The following ZMAT4 variants were observed in gnomAD, a reference collection of about 807,000 sequenced individuals.
ZMAT4 encodes zinc finger matrin-type 4, also known as zinc finger matrin-type protein 4.
ZMAT4 carries 17 observed loss-of-function variants against 28.7 expected under a neutral mutation model. The observed-to-expected ratio is 0.59, with a 90% CI of 0.41 to 0.89. The LOEUF (loss-of-function observed/expected upper bound fraction) is 0.89, where lower values mean the gene tolerates loss of function less well. Among genes scored for constraint, ZMAT4 ranks in the 40% least tolerant of loss-of-function variants. ZMAT4 has a pLI of 0.00. For synonymous variants in ZMAT4, 117 were observed against 109.2 expected (o/e 1.07, Z -0.44); for missense variants, 240 against 283.8 (o/e 0.85, Z 1.11).
chr8:40,702,555 C>T (rs1323923001), intron 3 of ZMAT4, among the ~76,000 whole-genome samples: 2 of 152,174 alleles, frequency 1.3e-5, no homozygotes, highest in Admixed American at 6.5e-5. Flanking sequence ...GAAAACCTCA[C>T]TGACTGGCTA....
chr8:40,781,783 A>G (rs978673694), intron 2 of ZMAT4, among the ~76,000 whole-genome samples: 4 of 149,258 alleles, frequency 2.7e-5, no homozygotes, highest in African/African-American at 9.8e-5. Context: ...AAAAAAAAAA[A>G]AAAAAAAAGA....
chr8:40,563,860 G>A (rs79381361), intron 6 of ZMAT4, among the ~76,000 whole-genome samples: 2 of 152,104 alleles, frequency 1.3e-5, no homozygotes, highest in East Asian at 1.9e-4. Context: ...GGGTGATGCT[G>A]GTAGGCTGTG....
intron 5 of ZMAT4, among the ~76,000 whole-genome samples, chr8:40,601,589 A>G (rs1267148022): frequency 1.3e-4 from 1 of 7,780 alleles, no homozygotes; most frequent in African/African-American, 3.1e-4. Context: ...AAAGAAAGAA[A>G]GAAAGAAAGA....
chr8:40,615,984 T>G (rs1257648771), intron 5 of ZMAT4, among the ~76,000 whole-genome samples: 1 of 152,062 alleles, frequency 6.6e-6, no homozygotes, highest in Non-Finnish European at 1.5e-5. Flanking sequence ...TGCAATCTAC[T>G]CATCTGAAAA....
chr8:40,874,265 CCA>C (rs1817963355), intron 1 of ZMAT4, among the ~76,000 whole-genome samples: 1 of 152,318 alleles, frequency 6.6e-6, no homozygotes, highest in African/African-American at 2.4e-5. Flanking sequence ...CCCACACTGG[CCA>C]CACCCGTCAC....
intron 4 of ZMAT4, among the ~76,000 whole-genome samples, chr8:40,676,866 G>A (rs1808933199): frequency 6.6e-6 from 1 of 152,100 alleles, no homozygotes; most frequent in Non-Finnish European, 1.5e-5. Flanking sequence ...CAGCCACCCA[G>A]TATCATTCTG....
At chr8:40,767,429 T>C (rs987659848) in intron 3 of ZMAT4, among the ~76,000 whole-genome samples, 3 of 152,070 alleles carry the variant, frequency 2.0e-5, no homozygotes, top group South Asian at 2.1e-4. Flanking sequence ...TGCAATGTCA[T>C]CAAAAACTCC....
chr8:40,690,729 T>A (rs1291861186), intron 4 of ZMAT4, among the ~76,000 whole-genome samples: 1 of 152,212 alleles, frequency 6.6e-6, no homozygotes, highest in African/African-American at 2.4e-5. Context: ...TCTTTACTTA[T>A]TCAACAGAGA....
At chr8:40,599,766 G>C (rs1805234026) in intron 5 of ZMAT4, among the ~76,000 whole-genome samples, 2 of 152,228 alleles carry the variant, frequency 1.3e-5, no homozygotes, top group Admixed American at 1.3e-4. Flanking sequence ...CACGAGGGAG[G>C]GGTCTGCCTG....
At chr8:40,562,327 A>C (rs1803773695) in intron 6 of ZMAT4, among the ~76,000 whole-genome samples, 1 of 152,140 alleles carries the variant, frequency 6.6e-6, no homozygotes, top group South Asian at 2.1e-4. Context: ...CAGAAATCCC[A>C]TCATCAATGA....
intron 3 of ZMAT4, among the ~76,000 whole-genome samples, chr8:40,731,064 C>T (rs754343331): frequency 2.0e-5 from 3 of 152,102 alleles, no homozygotes; most frequent in Non-Finnish European, 2.9e-5. Context: ...CTTCAAATAT[C>T]AAGGATCTGC....
Position 40,875,062 on chromosome 8 carries a change from G to C in ZMAT4, c.-5+22621C>G, listed in dbSNP as rs573648888. 2.6e-5 allele frequency among the ~76,000 whole-genome samples: 4 copies of C among 152,316 alleles called. No homozygotes were observed. In the South Asian group the frequency reaches 6.2e-4, roughly 24 times the overall value. ...TTTGTTGGTACCTCACCCAGGAACTGTCCAATATAACCCCTGCAACATCTG... is the reference window on the plus strand; with the variant it reads ...TTTGTTGGTACCTCACCCAGGAACTCTCCAATATAACCCCTGCAACATCTG... On this transcript the variant is annotated intron_variant, in intron 1 of 6. Coordinates refer to ENST00000297737, the MANE Select transcript of ZMAT4 (RefSeq NM_024645.3).
chr8:40,622,838 G>A (rs190536673), intron 5 of ZMAT4, among the ~76,000 whole-genome samples: 226 of 152,220 alleles, frequency 1.5e-3, no homozygotes, highest in African/African-American at 5.3e-3. Flanking sequence ...ATTCATGAGG[G>A]ATCCACCCCC....
intron 4 of ZMAT4, among the ~76,000 whole-genome samples, chr8:40,695,530 T>G (rs1284942454): frequency 6.6e-6 from 1 of 152,234 alleles, no homozygotes; most frequent in Non-Finnish European, 1.5e-5. Context: ...TCCAGCAACC[T>G]GGTTTCTGCA....
rs28636682 is a variant in ZMAT4 at position 40,730,798 on chromosome 8, C to G, written c.193-33397G>C. Among the ~76,000 whole-genome samples, 713 of 152,232 alleles carry G rather than the reference C, an allele frequency of 4.7e-3. 3 individuals are homozygous for G. Among genetic ancestry groups the G allele is most frequent in the African/African-American group, 0.016 (680 of 41,542 alleles). On this transcript the variant is annotated intron_variant, in intron 3 of 6. Transcript: ENST00000297737. ...TAGGAAATTCCTGGAATCTGTTTCC[C>G]CATCAAGAAAGCAGTCACACTTATG...
At chr8:40,782,376 C>A (rs1449254110) in intron 2 of ZMAT4, among the ~76,000 whole-genome samples, 1 of 151,882 alleles carries the variant, frequency 6.6e-6, no homozygotes, top group Non-Finnish European at 1.5e-5. Flanking sequence ...TAGAGCAAGA[C>A]TCCGTCTCGA....
chr8:40,650,128 A>C (rs1042494552), intron 5 of ZMAT4, among the ~76,000 whole-genome samples: 4 of 152,222 alleles, frequency 2.6e-5, no homozygotes, highest in Non-Finnish European at 5.9e-5. Context: ...AAAGTTAATG[A>C]ATCCAGGAGC....
intron 3 of ZMAT4, among the ~76,000 whole-genome samples, chr8:40,761,425 C>T (rs1812932123): frequency 6.6e-6 from 1 of 152,092 alleles, no homozygotes. Flanking sequence ...GCAGGCAGCT[C>T]CACCAAGAAC....
intron 5 of ZMAT4, among the ~76,000 whole-genome samples, chr8:40,664,408 C>T (rs914455211): frequency 1.4e-4 from 22 of 152,290 alleles, no homozygotes; most frequent in African/African-American, 5.3e-4. Context: ...CATAGCTATT[C>T]AGATTTTGAC....
Sources: allele counts gnomAD v4.1 joint callset (sites outside exome capture counted in the v4.1 genomes callset), GRCh38; gene constraint gnomAD v4.1.1; transcripts MANE v1.5; gene names NCBI Gene and HGNC (gene_info 2026-07-23, HGNC 2026-07-21).